The following PARD3B variants were observed in gnomAD, a reference collection of about 807,000 sequenced individuals.
The protein encoded by PARD3B is par-3 family cell polarity regulator beta, also known as partitioning defective 3 homolog B.
A neutral mutation model predicts 130.2 loss-of-function variants in PARD3B; 103 were observed. The ratio of observed to expected loss-of-function variants is 0.79; its 90% confidence interval spans 0.67 to 0.93. The LOEUF (loss-of-function observed/expected upper bound fraction) is 0.93. Among genes scored for constraint, PARD3B ranks in the 40% least tolerant of loss-of-function variants. The pLI, the probability that PARD3B is intolerant of heterozygous loss-of-function variation, is 0.00. For missense variants in PARD3B, 1,609 were observed against 1,499.2 expected, an observed-to-expected ratio of 1.07 and a Z score of -1.21; for synonymous variants, 583 against 553.2, an observed-to-expected ratio of 1.05 and a Z score of -0.76.
chr2:205,496,999 C>T (rs78363677), intron 20 of PARD3B, among the ~76,000 whole-genome samples: 2,684 of 151,896 alleles, frequency 0.018, 87 homozygotes, highest in African/African-American at 0.06. Flanking sequence ...ATACAGACAC[C>T]ATGGTCATCT....
Position 205,401,117 on chromosome 2 carries a change from G to T in PARD3B, c.2735G>T (p.Arg912Leu), listed in dbSNP as rs201682861. The change falls in exon 19 of 23, where the codon CGT becomes CTT. Residue 912 changes from arginine (R) to leucine (L), a missense_variant. Arg to Leu is a moderately radical substitution (Grantham distance 102). Transcript: ENST00000406610. Reference protein sequence around the residue: ...EEELEKMKEERERIGAKHQEL... With the variant: ...EEELEKMKEELERIGAKHQEL... ...GAGCTGGAGAAAATGAAAGAAGAGC[G>T]TGAAAGGTGAGCAGAAGTGCCGAGA... The T allele has an allele frequency of 4.4e-6, 7 of 1,589,406 alleles. No individual in the cohort carries two copies. Among genetic ancestry groups the T allele is most frequent in the Non-Finnish European group, 5.1e-6 (6 of 1,166,842 alleles).
chr2:205,049,407 C>T (rs908223730), intron 4 of PARD3B, among the ~76,000 whole-genome samples: 1 of 152,128 alleles, frequency 6.6e-6, no homozygotes, highest in Middle Eastern at 3.2e-3. Flanking sequence ...CTCACTATTA[C>T]AAGAACAGCA....
intron 1 of PARD3B, among the ~76,000 whole-genome samples, chr2:204,668,575 C>T (rs2036131967): frequency 6.6e-6 from 1 of 152,260 alleles, no homozygotes; most frequent in South Asian, 2.1e-4. Flanking sequence ...TAATTTGTAA[C>T]CCTTTTCATT....
At chr2:204,714,029 T>G (rs1477236806) in intron 2 of PARD3B, among the ~76,000 whole-genome samples, 1 of 152,156 alleles carries the variant, frequency 6.6e-6, no homozygotes, top group Non-Finnish European at 1.5e-5. Context: ...GTATGCACAT[T>G]TATATTTATT....
intron 12 of PARD3B, among the ~76,000 whole-genome samples, chr2:205,173,388 T>C (rs1247114735): frequency 2.0e-5 from 3 of 152,208 alleles, no homozygotes; most frequent in African/African-American, 7.2e-5. Flanking sequence ...ATTTCCTGGC[T>C]ATGTAAGTAC....
chr2:204,841,181 G>T (rs1364855217), intron 2 of PARD3B, among the ~76,000 whole-genome samples: 2 of 151,984 alleles, frequency 1.3e-5, no homozygotes, highest in Non-Finnish European at 2.9e-5. Context: ...TTTGTACTTG[G>T]TAAGGCTCCC....
At chr2:205,304,589 T>C (rs4675509) in intron 18 of PARD3B, among the ~76,000 whole-genome samples, 89,341 of 148,692 alleles carry the variant, frequency 0.6, 28,629 homozygotes, top group South Asian at 0.75. Flanking sequence ...GAGCCAAGAT[T>C]GCACCATTGT....
intron 18 of PARD3B, among the ~76,000 whole-genome samples, chr2:205,322,986 C>T (rs1240437793): frequency 1.5e-5 from 2 of 129,114 alleles, no homozygotes; most frequent in Non-Finnish European, 3.1e-5. Flanking sequence ...TCTCAGCTCA[C>T]TGCAGTTTCC....
At chr2:204,588,877 G>A (rs909257644) in intron 1 of PARD3B, among the ~76,000 whole-genome samples, 26 of 152,238 alleles carry the variant, frequency 1.7e-4, no homozygotes, top group African/African-American at 6.3e-4. Flanking sequence ...CTAGGCATCT[G>A]TACTTCAATC....
At chr2:205,379,287 A>T (rs759212715) in intron 18 of PARD3B, among the ~76,000 whole-genome samples, 27 of 152,126 alleles carry the variant, frequency 1.8e-4, no homozygotes, top group African/African-American at 2.4e-5. Flanking sequence ...GTTATAATTC[A>T]TGGAGATTAA....
chr2:205,319,449 C>T (rs2042674043), intron 18 of PARD3B, among the ~76,000 whole-genome samples: 1 of 152,136 alleles, frequency 6.6e-6, no homozygotes, highest in Non-Finnish European at 1.5e-5. Flanking sequence ...TTCTTTGAAC[C>T]TTGTGTATCT....
At chr2:205,333,399 A>G (rs1435862591) in intron 18 of PARD3B, among the ~76,000 whole-genome samples, 2 of 152,160 alleles carry the variant, frequency 1.3e-5, no homozygotes, top group African/African-American at 4.8e-5. Context: ...GCCTTAAAAT[A>G]TTAAAATTAA....
chr2:205,114,657 G>T (rs1049896218), intron 6 of PARD3B, among the ~76,000 whole-genome samples: 2 of 151,912 alleles, frequency 1.3e-5, no homozygotes, highest in Non-Finnish European at 2.9e-5. Flanking sequence ...AATTCAGTCT[G>T]CCCTATAGCG....
Position 205,230,903 on chromosome 2 carries a change from T to C in PARD3B, c.2141-14875T>C, listed in dbSNP as rs2038803021. Among the ~76,000 whole-genome samples, 1 of 152,042 alleles carries C rather than the reference T, an allele frequency of 6.6e-6. No homozygotes were observed. The highest frequency in any genetic ancestry group is 1.5e-5 in the Non-Finnish European group (1 of 68,012). ...TTCTGCCTGGTGTTGCTTTCCACCATGACAGGGTGGAAAGCACTGAGTTCC... is the reference window on the plus strand; with the variant it reads ...TTCTGCCTGGTGTTGCTTTCCACCACGACAGGGTGGAAAGCACTGAGTTCC... On this transcript the variant is annotated intron_variant, in intron 15 of 22. Transcript: ENST00000406610. This position sits in a 1 kb window ranked among gnomAD's most constrained non-coding sequence, Gnocchi z 4.1.
chr2:205,254,088 T>TAAAAAAAA (rs11287171), intron 16 of PARD3B, among the ~76,000 whole-genome samples: 3 of 75,968 alleles, frequency 3.9e-5, no homozygotes, highest in African/African-American at 4.7e-5. Flanking sequence ...GTAGAGAAAT[T>TAAAAAAAA]AAAAAAAAAA....
At chr2:205,069,665 T>C (rs1266936762) in intron 4 of PARD3B, among the ~76,000 whole-genome samples, 1 of 152,090 alleles carries the variant, frequency 6.6e-6, no homozygotes, top group Non-Finnish European at 1.5e-5. Flanking sequence ...GGTCTTACCC[T>C]GGGTTGTCTG....
At chr2:205,252,852 C>CCCCCA (rs2039915911) in intron 16 of PARD3B, among the ~76,000 whole-genome samples, 1 of 65,480 alleles carries the variant, frequency 1.5e-5, no homozygotes, top group Non-Finnish European at 3.3e-5. Context: ...CCCCCCCCCA[C>CCCCCA]CAAAAAAAAA....
chr2:204,649,850 A>G (rs2035416595), intron 1 of PARD3B, among the ~76,000 whole-genome samples: 1 of 152,206 alleles, frequency 6.6e-6, no homozygotes, highest in Admixed American at 6.5e-5. Context: ...GGACTTAGGA[A>G]TGGGCAAAGA....
chr2:204,566,740 G>T (rs77986946), intron 1 of PARD3B, among the ~76,000 whole-genome samples: 5 of 152,016 alleles, frequency 3.3e-5, no homozygotes, highest in Non-Finnish European at 7.4e-5. Flanking sequence ...TTTCCTCAGG[G>T]TTGTTTTGAT....
Sources: gnomAD v4.1 joint callset for allele counts (sites outside exome capture counted in the v4.1 genomes callset) on GRCh38, gnomAD v4.1.1 for gene constraint, Gnocchi (gnomAD v3.1) non-coding constraint, MANE v1.5 for transcripts, NCBI Gene and HGNC (gene_info 2026-07-23, HGNC 2026-07-21) for gene names.